ARHGEF10L: variants seen among roughly 807,000 people sequenced by gnomAD.
ARHGEF10L encodes the protein rho guanine nucleotide exchange factor 10-like protein.
ARHGEF10L carries 69 observed loss-of-function variants against 141.2 expected under a neutral mutation model. That is an observed-to-expected ratio of 0.49 (90% CI 0.40 to 0.60). ARHGEF10L has a LOEUF of 0.60. ARHGEF10L is among the 20% of genes least tolerant of loss of function. The pLI, the probability that ARHGEF10L is intolerant of heterozygous loss-of-function variation, is 0.00. For missense variants in ARHGEF10L, 1,482 were observed against 1,734.3 expected, an observed-to-expected ratio of 0.85 and a Z score of 2.58; for synonymous variants, 711 against 718.5, an observed-to-expected ratio of 0.99 and a Z score of 0.17.
the ARHGEF10L span, among the ~76,000 whole-genome samples, chr1:17,524,364 TACACACAC>T: frequency 0.036 from 4,149 of 116,004 alleles, 173 homozygotes; most frequent in African/African-American, 0.092. Context: ...ACCCCGTCTC[TACACACAC>T]ACACACACAC....
chr1:17,627,547 C>A lies in ARHGEF10L; in HGVS notation c.1584+44C>A. ...CTGCCTGCCCTCACCTGCCTGCCCT[C>A]ACCTGTGCTCCTGCCCGTGCCCCTG... is the stretch of plus-strand genomic sequence containing the variant. On this transcript the variant is annotated intron_variant, in intron 15 of 28. Coordinates refer to ENST00000361221, the MANE Select transcript of ARHGEF10L (RefSeq NM_018125.4). This position sits in a 1 kb window ranked among gnomAD's most constrained non-coding sequence, Gnocchi z 4.0. 6.3e-7 allele frequency: 1 copy of A among 1,593,402 alleles called. No individual in the cohort carries two copies. The highest frequency in any genetic ancestry group is 8.6e-7 in the Non-Finnish European group (1 of 1,169,496).
chr1:17,566,030 G>A (rs908320491), intron 1 of ARHGEF10L, among the ~76,000 whole-genome samples: 1 of 152,158 alleles, frequency 6.6e-6, no homozygotes, highest in Non-Finnish European at 1.5e-5. Context: ...CCTGGTGTTT[G>A]TCTGCCATGG....
At chr1:17,618,503 C>T (rs1557838505) in intron 9 of ARHGEF10L, 1 of 1,453,924 alleles carries the variant, frequency 6.9e-7, no homozygotes, top group Non-Finnish European at 9.1e-7. Flanking sequence ...CCTCCTCCTC[C>T]TCCTCTGTCT....
intron 10 of ARHGEF10L, among the ~76,000 whole-genome samples, chr1:17,620,441 A>G (rs566528435): frequency 1.3e-5 from 2 of 152,350 alleles, no homozygotes; most frequent in African/African-American, 4.8e-5. Context: ...GGCACGGGAC[A>G]GCCCCACTAT....
At chr1:17,662,823 T>C (rs2062712531) in intron 25 of ARHGEF10L, among the ~76,000 whole-genome samples, 1 of 152,160 alleles carries the variant, frequency 6.6e-6, no homozygotes, top group South Asian at 2.1e-4. Flanking sequence ...ACCAAGCAGC[T>C]GGCTCAGAGG....
Position 17,678,811 on chromosome 1 carries a change from G to C in ARHGEF10L, c.3010-8762G>C, listed in dbSNP as rs543097725. ...GCAGTGGCACTTTCTGTATGCCTTG[G>C]TCTGGGTTTTTGGGTTGACACCAAC... On this transcript the variant is annotated intron_variant, in intron 26 of 28. Transcript: ENST00000361221. Among the ~76,000 whole-genome samples the C allele has an allele frequency of 7.9e-5, 12 of 152,276 alleles. No individual in the cohort carries two copies. In the South Asian group the frequency reaches 2.1e-3, roughly 26 times the overall value.
the ARHGEF10L span, among the ~76,000 whole-genome samples, chr1:17,517,386 C>T: frequency 6.6e-6 from 1 of 151,544 alleles, no homozygotes; most frequent in Non-Finnish European, 1.5e-5. Context: ...CTGGAGTGCG[C>T]AGTGGTGCAA....
In ARHGEF10L at chr1:17,656,168, C is replaced by T; in HGVS notation, c.2705+66C>T. On this transcript the variant is annotated intron_variant, in intron 24 of 28. Transcript: ENST00000361221. The surrounding 1 kb of genome is among the most constrained non-coding windows in gnomAD (Gnocchi z 4.9). ...GGCTGGGCAGTGGGTGGGGGCTGTC[C>T]CTGTAGCCTTCCGGATCTGCCTGTT... The T allele has an allele frequency of 1.3e-6, 2 of 1,493,436 alleles. No individual in the cohort carries two copies. The highest frequency in any genetic ancestry group is 1.8e-6 in the Non-Finnish European group (2 of 1,103,510). 92.5% of individuals were successfully genotyped at this position (1,493,436 alleles called of 1,614,324 possible).
rs1422552240 is a variant in ARHGEF10L, at chr1:17,654,708, C to G, written c.2467C>G (p.Gln823Glu). Reference sequence around the variant, plus strand: ...CTCAGCAGTCAGCACCTCCCTTCCACAGGGCTACCTCTGGGTGAGTCACCC... The same window carrying G: ...CTCAGCAGTCAGCACCTCCCTTCCAGAGGGCTACCTCTGGGTGAGTCACCC... ...GFSAVSTSLP[Q>E]GYLWVGGGQE... The change falls in exon 23 of 29, where the codon CAG (glutamine) becomes GAG (glutamate). Residue 823 changes from glutamine to glutamate, a missense_variant. By Grantham distance (29) the Gln-to-Glu change is conservative (BLOSUM62 2). Transcript: ENST00000361221. The surrounding 1 kb of genome is among the most constrained non-coding windows in gnomAD (Gnocchi z 4.3). 1 of 1,613,982 alleles carries G rather than the reference C, an allele frequency of 6.2e-7. No individual in the cohort carries two copies. The highest frequency in any genetic ancestry group is 2.2e-5 in the East Asian group (1 of 44,878).
intron 26 of ARHGEF10L, among the ~76,000 whole-genome samples, chr1:17,685,819 G>A (rs988294642): frequency 6.6e-6 from 1 of 152,238 alleles, no homozygotes; most frequent in African/African-American, 2.4e-5. Flanking sequence ...AGGAAACTGA[G>A]GCCTGGGCCT....
At chr1:17,646,857 G>C (rs2061635460) in intron 21 of ARHGEF10L, among the ~76,000 whole-genome samples, 1 of 152,040 alleles carries the variant, frequency 6.6e-6, no homozygotes, top group Non-Finnish European at 1.5e-5. Context: ...GAGGGAGGAG[G>C]CTGGGGAGGG....
At chr1:17,616,314 G>A (rs573490391) in intron 9 of ARHGEF10L, 112 bp downstream of exon 9, 31 of 886,214 alleles carry the variant, frequency 3.5e-5, no homozygotes, top group East Asian at 2.9e-4. Context: ...ACCACTTGGC[G>A]TATGGTTCCT....
At position 17,552,379 on chromosome 1, in the gene ARHGEF10L, C is replaced by T. The variant is rs533863190; in HGVS notation, c.-44+12429C>T. Among the ~76,000 whole-genome samples, 34 of 152,090 alleles carry T rather than the reference C, an allele frequency of 2.2e-4. 1 individual carries two copies. The highest frequency in any genetic ancestry group is 7.7e-4 in the African/African-American group (32 of 41,494). ...TAGGCCTGAAGTGTGCCAGGTACCA[C>T]GCATGATCTTGTTTCAATCTATCTT... On this transcript the variant is annotated intron_variant, in intron 1 of 28. Coordinates refer to ENST00000361221, the MANE Select transcript of ARHGEF10L (RefSeq NM_018125.4).
the ARHGEF10L span, among the ~76,000 whole-genome samples, chr1:17,513,879 G>T: frequency 6.6e-6 from 1 of 151,914 alleles, no homozygotes; most frequent in South Asian, 2.1e-4. Flanking sequence ...CACAATCTTG[G>T]CTCAGTCCAG....
At chr1:17,529,129 A>G in the ARHGEF10L span, among the ~76,000 whole-genome samples, 3 of 152,168 alleles carry the variant, frequency 2.0e-5, no homozygotes, top group East Asian at 5.8e-4. Context: ...CAGCCTCCCA[A>G]GTAGCTAGGA....
At chr1:17,689,563 C>G (rs545002785) in intron 27 of ARHGEF10L, among the ~76,000 whole-genome samples, 11 of 21,404 alleles carry the variant, frequency 5.1e-4, no homozygotes, top group Admixed American at 4.4e-3. Context: ...TCTCTTCTTC[C>G]CTCCCTCCCT....
chr1:17,690,169 TC>T (rs1455830088), intron 27 of ARHGEF10L, among the ~76,000 whole-genome samples: 2 of 152,166 alleles, frequency 1.3e-5, no homozygotes, highest in Non-Finnish European at 2.9e-5. Context: ...GGCGGTTGTG[TC>T]CCTGTCCTGG....
chr1:17,522,417 C>T, the ARHGEF10L span, among the ~76,000 whole-genome samples: 39 of 152,096 alleles, frequency 2.6e-4, no homozygotes, highest in Non-Finnish European at 4.4e-4. Context: ...GGCTCAGAGA[C>T]GTCAGGTGAG....
rs2065595277 is a variant in ARHGEF10L at position 17,697,498 on chromosome 1, T to C, written c.*118T>C. 1 of 1,276,194 alleles carries C rather than the reference T, an allele frequency of 7.8e-7. No individual in the cohort carries two copies. Among genetic ancestry groups the C allele is most frequent in the South Asian group, 1.6e-5 (1 of 64,470 alleles). 79.1% of individuals were successfully genotyped at this position (1,276,194 alleles called of 1,614,324 possible). On this transcript the variant is annotated 3_prime_UTR_variant, in exon 29 of 29. Coordinates refer to ENST00000361221, the MANE Select transcript of ARHGEF10L (RefSeq NM_018125.4). The surrounding 1 kb of genome is among the most constrained non-coding windows in gnomAD (Gnocchi z 4.8). ...TGGGCCTGGACTCTCCAGAAACTAC[T>C]TGGGCAGAGCAAAGGAAAACCTCTT...
Sources: gnomAD v4.1 joint callset for allele counts (sites outside exome capture counted in the v4.1 genomes callset) on GRCh38, gnomAD v4.1.1 for gene constraint, Gnocchi (gnomAD v3.1) non-coding constraint, MANE v1.5 for transcripts, NCBI Gene and HGNC (gene_info 2026-07-23, HGNC 2026-07-21) for gene names.